Variants in TECRL observed in about 807,000 individuals in gnomAD.
The protein encoded by TECRL is trans-2,3-enoyl-CoA reductase like.
In TECRL, 63 loss-of-function variants were observed where a neutral mutation model predicts 52.8. The observed-to-expected ratio is 1.19, with a 90% confidence interval of 0.97 to 1.47. The LOEUF is 1.47. Among genes scored for constraint, TECRL ranks in the 40% most tolerant of loss-of-function variants. TECRL has a pLI of 0.00. For synonymous variants in TECRL, 164 were observed against 141.9 expected (o/e 1.16, Z -1.10); for missense variants, 482 against 429.6 (o/e 1.12, Z -1.08).
chr4:64,374,780 A>G (rs1722281143), intron 2 of TECRL, among the ~76,000 whole-genome samples: 1 of 152,086 alleles, frequency 6.6e-6, no homozygotes, highest in South Asian at 2.1e-4. Context: ...CATGGTGTGT[A>G]TGTGCCACAT....
At chr4:64,374,265 C>T (rs114177924) in intron 2 of TECRL, among the ~76,000 whole-genome samples, 5,554 of 150,730 alleles carry the variant, frequency 0.037, 114 homozygotes, top group Non-Finnish European at 0.048. Context: ...CATTTCATTA[C>T]GAATTTTAAA....
intron 1 of TECRL, among the ~76,000 whole-genome samples, chr4:64,381,312 A>G (rs1208175203): frequency 2.6e-5 from 4 of 151,738 alleles, no homozygotes; most frequent in African/African-American, 9.7e-5. Context: ...GTTATTACAT[A>G]TATAAGATTA....
chr4:64,317,515 CA>C (rs1717590356), intron 4 of TECRL, among the ~76,000 whole-genome samples: 1 of 151,874 alleles, frequency 6.6e-6, no homozygotes, highest in African/African-American at 2.4e-5. Flanking sequence ...TTGTTGAAAA[CA>C]AAATAAAGTA....
intron 1 of TECRL, among the ~76,000 whole-genome samples, chr4:64,395,788 G>T (rs1577989633): frequency 6.6e-6 from 1 of 152,104 alleles, no homozygotes; most frequent in South Asian, 2.1e-4. Context: ...AATAAACATA[G>T]TAGCCAATAG....
chr4:64,351,977 T>C (rs1261361585), intron 2 of TECRL, among the ~76,000 whole-genome samples: 1 of 140,778 alleles, frequency 7.1e-6, no homozygotes, highest in Non-Finnish European at 1.6e-5. Context: ...ATGTTAAGCA[T>C]TTGGATCAAG....
Position 64,329,462 on chromosome 4 carries a change from G to T in TECRL, c.287-906C>A, listed in dbSNP as rs1362894883. Among the ~76,000 whole-genome samples the T allele has an allele frequency of 2.0e-5, 3 of 151,636 alleles. No homozygotes were observed. The East Asian group carries it at 5.8e-4, about 29-fold the overall frequency. The stretch of plus-strand genomic sequence containing the variant: ...CCATGGACAGAGCCTCTATTAATAG[G>T]TAATATATTACTAGTTGAAAGAAAA... On this transcript the variant is annotated intron_variant, in intron 2 of 11. Transcript: ENST00000381210.
intron 7 of TECRL, among the ~76,000 whole-genome samples, chr4:64,303,829 T>C (rs936550874): frequency 5.3e-5 from 8 of 151,826 alleles, no homozygotes; most frequent in Admixed American, 2.6e-4. Context: ...ATGTTAAGTG[T>C]GGACTTCCTA....
At chr4:64,362,701 C>T (rs80201517) in intron 2 of TECRL, among the ~76,000 whole-genome samples, 1,841 of 152,090 alleles carry the variant, frequency 0.012, 35 homozygotes, top group African/African-American at 0.041. Context: ...TAAGGGAGTG[C>T]TAAACATGGA....
chr4:64,387,081 C>A (rs536328761), intron 1 of TECRL, among the ~76,000 whole-genome samples: 1 of 152,172 alleles, frequency 6.6e-6, no homozygotes, highest in Non-Finnish European at 1.5e-5. Context: ...CTGTGCTTCA[C>A]ACCCCATCCC....
intron 2 of TECRL, among the ~76,000 whole-genome samples, chr4:64,347,958 C>T (rs1292432112): frequency 1.3e-5 from 2 of 152,164 alleles, no homozygotes; most frequent in Non-Finnish European, 2.9e-5. Context: ...TTCAAACTTT[C>T]TCACATCTTC....
At chr4:64,280,984 C>A (rs1458652640) in intron 11 of TECRL, 57 bp downstream of exon 11, 15 of 1,309,498 alleles carry the variant, frequency 1.1e-5, no homozygotes, top group South Asian at 1.4e-5. Context: ...TTCTCAGAAA[C>A]CATTTATCTT....
At chr4:64,357,836 TAGA>T (rs1662173039) in intron 2 of TECRL, among the ~76,000 whole-genome samples, 2 of 151,482 alleles carry the variant, frequency 1.3e-5, no homozygotes, top group Non-Finnish European at 3.0e-5. Flanking sequence ...TCAGAAGAAA[TAGA>T]GGAGGAAAGT....
At chr4:64,308,817 T>G in intron 6 of TECRL, among the ~76,000 whole-genome samples, 1 of 152,190 alleles carries the variant, frequency 6.6e-6, no homozygotes, top group East Asian at 1.9e-4. Context: ...TATTAATGGA[T>G]ATTTGTGATA....
At chr4:64,372,609 CA>C (rs1401770110) in intron 2 of TECRL, among the ~76,000 whole-genome samples, 1 of 151,312 alleles carries the variant, frequency 6.6e-6, no homozygotes, top group Admixed American at 6.6e-5. Flanking sequence ...TAAAATAAAA[CA>C]AAGAAAAATG....
chr4:64,370,123 GAC>G (rs1418601513), intron 2 of TECRL, among the ~76,000 whole-genome samples: 1 of 151,712 alleles, frequency 6.6e-6, no homozygotes, highest in Non-Finnish European at 1.5e-5. Context: ...TTGCATAAGA[GAC>G]AATTTAAACT....
intron 5 of TECRL, among the ~76,000 whole-genome samples, chr4:64,313,015 T>G (rs1717159666): frequency 6.6e-6 from 1 of 152,130 alleles, no homozygotes; most frequent in African/African-American, 2.4e-5. Context: ...TCCCCAGCCT[T>G]GCGGAACTGT....
In TECRL at chr4:64,344,256, A is replaced by G. The variant is rs373939124; in HGVS notation, c.287-15700T>C. On this transcript the variant is annotated intron_variant, in intron 2 of 11. Coordinates refer to ENST00000381210, the MANE Select transcript of TECRL (RefSeq NM_001010874.5). ...AAATATAATCTCTATTTATATCTCT[A>G]TATAACCTATGTCTATATCTATCTA... 7.9e-5 allele frequency among the ~76,000 whole-genome samples: 12 copies of G among 152,164 alleles called. No homozygotes were observed. The South Asian group carries it at 2.3e-3, about 29-fold the overall frequency.
intron 7 of TECRL, 40 bp from the exon 8 acceptor site, chr4:64,300,057 A>T: frequency 6.7e-7 from 1 of 1,489,518 alleles, no homozygotes; most frequent in East Asian, 2.4e-5. Context: ...AGATACTCAT[A>T]GTTTGGATTG....
At chr4:64,360,040 A>G (rs1721062567) in intron 2 of TECRL, among the ~76,000 whole-genome samples, 1 of 152,198 alleles carries the variant, frequency 6.6e-6, no homozygotes, top group African/African-American at 2.4e-5. Flanking sequence ...TCTTCTATAT[A>G]TCTTTAGCTG....
Sources: allele counts gnomAD v4.1 joint callset (sites outside exome capture counted in the v4.1 genomes callset), GRCh38; gene constraint gnomAD v4.1.1; transcripts MANE v1.5; gene names NCBI Gene and HGNC (gene_info 2026-07-23, HGNC 2026-07-21).